TANGO6: variants seen among roughly 807,000 people sequenced by gnomAD.
The protein encoded by TANGO6 is transport and Golgi organization protein 6 homolog.
Under a neutral mutation model 114.2 loss-of-function variants are expected in TANGO6, and 90 were observed. The ratio of observed to expected loss-of-function variants is 0.79; its 90% CI spans 0.66 to 0.94. TANGO6 has a LOEUF of 0.94. Ranked by LOEUF, TANGO6 falls within the 40% of genes least tolerant of loss-of-function variation. The probability of loss-of-function intolerance (pLI) is 0.00; values close to 1 mark genes in which losing one functional copy is unlikely to be tolerated. For synonymous variants in TANGO6, 477 were observed against 509.8 expected (o/e 0.94, Z 0.87); for missense variants, 1,274 against 1,315.3 (o/e 0.97, Z 0.49).
At chr16:69,074,824 GTGTGT>G in intron 17 of TANGO6, among the ~76,000 whole-genome samples, 1 of 148,946 alleles carries the variant, frequency 6.7e-6, no homozygotes, top group African/African-American at 2.6e-5. Flanking sequence ...GTGTGTGTGT[GTGTGT>G]GTGTGTGTGT....
Position 68,962,986 on chromosome 16 carries a change from C to T in TANGO6, c.2702-11042C>T, listed in dbSNP as rs553170002. Among the ~76,000 whole-genome samples, 145 of 148,844 alleles carry T rather than the reference C, an allele frequency of 9.7e-4. 1 individual carries two copies. The South Asian group carries it at 0.01, about 11-fold the overall frequency. ...GCGGGCGCCCGTAGTCCCAGTCACT[C>T]GGGAGGCTGAGGCAGGAGAATGCCA... On this transcript the variant is annotated intron_variant, in intron 14 of 17. Coordinates refer to ENST00000261778, the MANE Select transcript of TANGO6 (RefSeq NM_024562.2).
chr16:69,018,551 A>C (rs1959345863), intron 15 of TANGO6, among the ~76,000 whole-genome samples: 1 of 151,912 alleles, frequency 6.6e-6, no homozygotes, highest in Non-Finnish European at 1.5e-5. Flanking sequence ...TTTACTCTTC[A>C]AACAAGTTAA....
intron 14 of TANGO6, among the ~76,000 whole-genome samples, chr16:68,951,442 C>G (rs952569416): frequency 1.3e-5 from 2 of 152,092 alleles, no homozygotes; most frequent in Non-Finnish European, 2.9e-5. Flanking sequence ...ATCTTCATCT[C>G]CCATTTTTCA....
chr16:68,954,294 TG>T (rs1447462715), intron 14 of TANGO6, among the ~76,000 whole-genome samples: 5 of 145,682 alleles, frequency 3.4e-5, no homozygotes, highest in Non-Finnish European at 6.0e-5. Flanking sequence ...TGTTGTAGGA[TG>T]CGAAACAGCA....
intron 15 of TANGO6, among the ~76,000 whole-genome samples, chr16:68,987,650 A>T (rs1332519116): frequency 1.3e-5 from 2 of 152,200 alleles, no homozygotes; most frequent in Non-Finnish European, 2.9e-5. Flanking sequence ...AATTATAGGC[A>T]TGAGCCACTG....
chr16:68,952,617 TCACGTTGAGAA>T (rs1342646442), intron 14 of TANGO6, among the ~76,000 whole-genome samples: 1 of 152,182 alleles, frequency 6.6e-6, no homozygotes, highest in Admixed American at 6.5e-5. Context: ...CCCTCTCAGG[TCACGTTGAGAA>T]CTTGGCAGTG....
intron 4 of TANGO6, among the ~76,000 whole-genome samples, chr16:68,869,055 C>CT (rs1373610162): frequency 1.3e-5 from 2 of 152,218 alleles, no homozygotes; most frequent in Admixed American, 1.3e-4. Context: ...TGATTACTTT[C>CT]TTTTTTTACA....
At chr16:68,851,600 C>A (rs1286891287) in intron 1 of TANGO6, among the ~76,000 whole-genome samples, 4 of 152,162 alleles carry the variant, frequency 2.6e-5, no homozygotes, top group Non-Finnish European at 5.9e-5. Flanking sequence ...AAGTCTTTTG[C>A]TAATTTAAGA....
At chr16:68,906,776 C>A (rs535319402) in intron 9 of TANGO6, among the ~76,000 whole-genome samples, 4 of 150,996 alleles carry the variant, frequency 2.6e-5, no homozygotes, top group African/African-American at 9.8e-5. Context: ...AGGACATAAC[C>A]GCCTAGTTTC....
intron 2 of TANGO6, among the ~76,000 whole-genome samples, chr16:68,862,037 TTTA>T (rs1268595417): frequency 5.3e-5 from 8 of 151,872 alleles, no homozygotes; most frequent in Non-Finnish European, 1.0e-4. Flanking sequence ...TTTTTTTATT[TTTA>T]TTATTATTAT....
chr16:68,995,077 T>G (rs546361647), intron 15 of TANGO6, among the ~76,000 whole-genome samples: 4 of 152,334 alleles, frequency 2.6e-5, no homozygotes, highest in African/African-American at 9.6e-5. Context: ...TCTTTTTGTT[T>G]AATAAGTTGT....
intron 7 of TANGO6, among the ~76,000 whole-genome samples, chr16:68,882,496 CAAA>C: frequency 8.2e-6 from 1 of 121,704 alleles, no homozygotes; most frequent in African/African-American, 3.1e-5. Context: ...GACTCCGTCT[CAAA>C]AAAAAAAAAA....
At chr16:68,925,166 C>T (rs1457511708) in intron 12 of TANGO6, among the ~76,000 whole-genome samples, 1 of 152,042 alleles carries the variant, frequency 6.6e-6, no homozygotes, top group African/African-American at 2.4e-5. Flanking sequence ...CAAAAATTAG[C>T]CAGGCATGGT....
chr16:68,927,692 A>G lies in TANGO6; in HGVS notation c.2252A>G (p.His751Arg), dbSNP rs374459950. Residue 751 changes from histidine (H) to arginine (R), a missense_variant, in exon 13 of 18, where the codon CAT becomes CGT. Coordinates refer to ENST00000261778, the MANE Select transcript of TANGO6 (RefSeq NM_024562.2). ...GATCTCCGCATCACCATCTCTACCC[A>G]TGGAGCCTTTGCCACTGAGGCCGTC... is the stretch of plus-strand genomic sequence containing the variant. ...AVDLRITISTHGAFATEAVSM... is the reference protein window; with the variant it reads ...AVDLRITISTRGAFATEAVSM... 9.3e-6 allele frequency: 15 copies of G among 1,613,868 alleles called. No individual in the cohort carries two copies. In the African/African-American group the frequency reaches 1.6e-4, roughly 17 times the overall value.
intron 11 of TANGO6, among the ~76,000 whole-genome samples, chr16:68,914,916 T>G (rs1349318808): frequency 1.4e-5 from 2 of 147,852 alleles, no homozygotes; most frequent in Non-Finnish European, 3.0e-5. Context: ...ACATAGAAAG[T>G]GTCTATTTTA....
intron 12 of TANGO6, among the ~76,000 whole-genome samples, chr16:68,927,301 A>G (rs1438162249): frequency 6.6e-6 from 1 of 152,160 alleles, no homozygotes; most frequent in Admixed American, 6.5e-5. Flanking sequence ...AATGTAGATA[A>G]TAATAGTCAT....
chr16:68,976,474 CA>C (rs1276703838), intron 15 of TANGO6, among the ~76,000 whole-genome samples: 3 of 152,148 alleles, frequency 2.0e-5, no homozygotes, highest in Non-Finnish European at 2.9e-5. Flanking sequence ...ACAAAGAAAA[CA>C]ATAGTTCATT....
intron 17 of TANGO6, among the ~76,000 whole-genome samples, chr16:69,045,123 T>C (rs1490668895): frequency 3.1e-4 from 43 of 137,884 alleles, no homozygotes; most frequent in African/African-American, 1.1e-3. Context: ...GCCACTGCAC[T>C]CCAGCCTGGG....
chr16:69,083,686 G>A lies in TANGO6; in HGVS notation c.*25G>A. 6.5e-7 allele frequency: 1 copy of A among 1,546,764 alleles called. No individual in the cohort carries two copies. The stretch of plus-strand genomic sequence containing the variant: ...GACCTGGCTCCAAGGACGTGGAGGA[G>A]GCAGGCAGGGCCAGGCACCCAGAGC... On this transcript the variant is annotated 3_prime_UTR_variant, in exon 18 of 18. Coordinates refer to ENST00000261778, the MANE Select transcript of TANGO6 (RefSeq NM_024562.2).
Sources: gnomAD v4.1 joint callset for allele counts (sites outside exome capture counted in the v4.1 genomes callset) on GRCh38, gnomAD v4.1.1 for gene constraint, MANE v1.5 for transcripts, NCBI Gene and HGNC (gene_info 2026-07-23, HGNC 2026-07-21) for gene names.